METAP2: variants seen among roughly 807,000 people sequenced by gnomAD.
METAP2 encodes methionyl aminopeptidase 2, also known as methionine aminopeptidase 2.
Under a neutral mutation model 59.4 loss-of-function variants are expected in METAP2, and 25 were observed. The observed-to-expected ratio is 0.42, with a 90% confidence interval of 0.31 to 0.59. The LOEUF (loss-of-function observed/expected upper bound fraction) is 0.59. Ranked by LOEUF, METAP2 falls within the 20% of genes least tolerant of loss-of-function variation. METAP2 has a pLI of 0.16. For missense variants in METAP2, 366 were observed against 581.2 expected (o/e 0.63, Z 3.81); for synonymous variants, 214 against 194.1 (o/e 1.10, Z -0.85).
At chr12:95,477,119 T>C (rs907442079) in intron 2 of METAP2, among the ~76,000 whole-genome samples, 2 of 152,312 alleles carry the variant, frequency 1.3e-5, no homozygotes, top group Non-Finnish European at 2.9e-5. Flanking sequence ...TTTTTTTCTT[T>C]TTGAGACCGA....
intron 4 of METAP2, among the ~76,000 whole-genome samples, chr12:95,487,702 T>TG (rs1346514639): frequency 6.6e-6 from 1 of 152,058 alleles, no homozygotes; most frequent in Non-Finnish European, 1.5e-5. Flanking sequence ...TGTATACATC[T>TG]GTCTGTTTAT....
chr12:95,499,509 T>TG (rs113423984), intron 7 of METAP2, among the ~76,000 whole-genome samples: 2,213 of 151,636 alleles, frequency 0.015, 55 homozygotes, highest in African/African-American at 0.05. Flanking sequence ...TTCTCCATCT[T>TG]TGTTCTTTTT....
intron 7 of METAP2, 90 bp downstream of exon 7, chr12:95,496,188 G>T: frequency 5.4e-6 from 4 of 740,838 alleles, no homozygotes; most frequent in Middle Eastern, 2.4e-4. Flanking sequence ...CACTTTTAAG[G>T]CCTGTTTAAG....
chr12:95,511,075 C>A (rs1274998682), intron 8 of METAP2, among the ~76,000 whole-genome samples: 1 of 152,176 alleles, frequency 6.6e-6, no homozygotes, highest in Admixed American at 6.5e-5. Flanking sequence ...TCCTTGCTGT[C>A]ATGACAGTGG....
At position 95,476,994 on chromosome 12, in the gene METAP2, G is replaced by A. The variant is rs547870637; in HGVS notation, c.259+816G>A. Among the ~76,000 whole-genome samples the A allele has an allele frequency of 2.2e-3, 335 of 152,280 alleles. 1 individual carries two copies. The highest frequency in any genetic ancestry group is 7.0e-3 in the African/African-American group (292 of 41,566). On this transcript the variant is annotated intron_variant, in intron 2 of 10. Coordinates refer to ENST00000323666, the MANE Select transcript of METAP2 (RefSeq NM_006838.4). ...ACCCAGCCATCTCATTTTACAGATA[G>A]GGAAGTGGTAGTTACATGATTTACC...
intron 7 of METAP2, among the ~76,000 whole-genome samples, chr12:95,499,018 A>G (rs1400877397): frequency 6.6e-6 from 1 of 150,394 alleles, no homozygotes; most frequent in East Asian, 1.9e-4. Flanking sequence ...CCTGTCCCAA[A>G]AAAAAAAAAA....
rs571571450 is a variant in METAP2 at position 95,475,645 on chromosome 12, G to T, written c.152-426G>T. ...TGGACTGTCTTTGCCTATTTATTTT[G>T]ACTTTACCCAGCCCATCGTGATATC... On this transcript the variant is annotated intron_variant, in intron 1 of 10. Transcript: ENST00000323666. Among the ~76,000 whole-genome samples the T allele has an allele frequency of 7.9e-5, 12 of 152,186 alleles. No homozygotes were observed. In the South Asian group the frequency reaches 2.5e-3, roughly 32 times the overall value.
At position 95,503,839 on chromosome 12, in the gene METAP2, A is replaced by G. The variant is rs144787927; in HGVS notation, c.868-226A>G. ...GACTCCAGAGTTCCCAAGTACTTACATTAGACAGATTTTGTCAGTGCACTT... is the reference window on the plus strand; with the variant it reads ...GACTCCAGAGTTCCCAAGTACTTACGTTAGACAGATTTTGTCAGTGCACTT... On this transcript the variant is annotated intron_variant, in intron 7 of 10. Transcript: ENST00000323666. Among the ~76,000 whole-genome samples the G allele has an allele frequency of 5.9e-3, 895 of 152,320 alleles. 9 individuals are homozygous for G. The highest frequency in any genetic ancestry group is 0.02 in the African/African-American group (845 of 41,572).
At chr12:95,505,780 C>T (rs2076354337) in intron 8 of METAP2, among the ~76,000 whole-genome samples, 1 of 151,646 alleles carries the variant, frequency 6.6e-6, no homozygotes, top group East Asian at 2.0e-4. Context: ...CAGGCATGAG[C>T]CACCGTGCCC....
At chr12:95,507,847 C>T (rs1215932502) in intron 8 of METAP2, among the ~76,000 whole-genome samples, 5 of 150,900 alleles carry the variant, frequency 3.3e-5, no homozygotes, top group African/African-American at 7.3e-5. Flanking sequence ...TGCGCGATCT[C>T]GGCTCATCAC....
chr12:95,497,982 A>AC (rs2076287418), intron 7 of METAP2, among the ~76,000 whole-genome samples: 1 of 151,740 alleles, frequency 6.6e-6, no homozygotes, highest in Admixed American at 6.6e-5. Context: ...CAAAAAAAAA[A>AC]AATAGCTGGG....
At chr12:95,474,374 T>C (rs1475729246) in intron 1 of METAP2, 44 bp downstream of exon 1, 2 of 1,602,600 alleles carry the variant, frequency 1.2e-6, no homozygotes, top group Non-Finnish European at 1.7e-6. Flanking sequence ...CGGGAACGGC[T>C]GAACTGTTTG....
intron 3 of METAP2, chr12:95,484,988 A>G: frequency 2.4e-6 from 1 of 423,546 alleles, no homozygotes; most frequent in East Asian, 7.0e-5. Flanking sequence ...CAAGCCAAAT[A>G]ATATAATCAT....
At chr12:95,476,310 C>T (rs2076118274) in intron 2 of METAP2, 132 bp downstream of exon 2, 1 of 483,416 alleles carries the variant, frequency 2.1e-6, no homozygotes. Context: ...AGTTCGAGAC[C>T]AGCCTGGCCA....
chr12:95,495,255 A>T (rs2140152320), intron 6 of METAP2, 117 bp downstream of exon 6: 1 of 852,036 alleles, frequency 1.2e-6, no homozygotes, highest in Non-Finnish European at 1.8e-6. Flanking sequence ...TCCTCATTTC[A>T]TTAGGAAAGG....
At chr12:95,512,052 C>A in intron 9 of METAP2, 54 bp downstream of exon 9, 1 of 1,280,042 alleles carries the variant, frequency 7.8e-7, no homozygotes, top group Non-Finnish European at 1.1e-6. Flanking sequence ...TTCTTCCAAG[C>A]AGAAGGTCAT....
At chr12:95,509,825 T>G (rs2076388081) in intron 8 of METAP2, among the ~76,000 whole-genome samples, 1 of 151,786 alleles carries the variant, frequency 6.6e-6, no homozygotes, top group Non-Finnish European at 1.5e-5. Flanking sequence ...GAGTTAAATT[T>G]TTTTAAGACC....
intron 6 of METAP2, among the ~76,000 whole-genome samples, chr12:95,495,530 A>T (rs1279772301): frequency 1.3e-5 from 2 of 152,112 alleles, no homozygotes; most frequent in Non-Finnish European, 2.9e-5. Flanking sequence ...GCTTTTCTGA[A>T]TTCTCTCCAA....
intron 7 of METAP2, among the ~76,000 whole-genome samples, chr12:95,498,729 C>G (rs1446765814): frequency 6.6e-6 from 1 of 152,176 alleles, no homozygotes; most frequent in Admixed American, 6.5e-5. Flanking sequence ...CAAAGCTCAT[C>G]TGGGTCAGGC....
Sources: gnomAD v4.1 joint callset for allele counts (sites outside exome capture counted in the v4.1 genomes callset) on GRCh38, gnomAD v4.1.1 for gene constraint, MANE v1.5 for transcripts, NCBI Gene and HGNC (gene_info 2026-07-23, HGNC 2026-07-21) for gene names.